TIAM1: variants seen among roughly 807,000 people sequenced by gnomAD.
TIAM1 encodes rho guanine nucleotide exchange factor TIAM1.
Under a neutral mutation model 163.5 loss-of-function variants are expected in TIAM1, and 65 were observed. That is an observed-to-expected ratio of 0.40 (90% CI 0.33 to 0.49). TIAM1 has a LOEUF of 0.49. Ranked by LOEUF, TIAM1 falls within the 20% of genes least tolerant of loss-of-function variation. The pLI, the probability that TIAM1 is intolerant of heterozygous loss-of-function variation, is 0.77. For synonymous variants in TIAM1, 833 were observed against 810.1 expected, an observed-to-expected ratio of 1.03 and a Z score of -0.48; for missense variants, 1,789 against 2,044.7, an observed-to-expected ratio of 0.87 and a Z score of 2.41.
Position 31,195,288 on chromosome 21 carries a change from T to G in TIAM1, c.2511A>C (p.Glu837Asp), listed in dbSNP as rs1283015935. 1 of 1,612,650 alleles carries G rather than the reference T, an allele frequency of 6.2e-7. No individual in the cohort carries two copies. The highest frequency in any genetic ancestry group is 8.5e-7 in the Non-Finnish European group (1 of 1,179,048). ...TGCTCTGAGTGACTTTTGGACAGAT[T>G]TCAATTTCTTTGTACAGCTGAAAGT... ...DIYELLYKEI[E>D]ICPKVTQSIH... Residue 837 changes from glutamate to aspartate, a missense_variant, in exon 13 of 28, where the codon GAA becomes GAC. Glu to Asp is a conservative substitution (Grantham distance 45). Transcript: ENST00000541036.
chr21:31,174,307 C>CCT (rs2084662087), intron 15 of TIAM1, among the ~76,000 whole-genome samples: 2 of 152,228 alleles, frequency 1.3e-5, no homozygotes, highest in Non-Finnish European at 2.9e-5. Context: ...CTTGGCAATT[C>CCT]CTCTCTCTGA....
intron 14 of TIAM1, among the ~76,000 whole-genome samples, chr21:31,185,586 A>G (rs2085262270): frequency 7.0e-6 from 1 of 143,880 alleles, no homozygotes; most frequent in Non-Finnish European, 1.5e-5. Context: ...TTAATATAAT[A>G]TATTATATAT....
intron 23 of TIAM1, among the ~76,000 whole-genome samples, chr21:31,131,679 C>T (rs144169413): frequency 9.2e-5 from 14 of 152,312 alleles, no homozygotes; most frequent in African/African-American, 3.4e-4. Context: ...GTGACTGACT[C>T]CTGCCTGTCC....
intron 2 of TIAM1, among the ~76,000 whole-genome samples, chr21:31,432,282 G>A (rs1022592157): frequency 6.6e-6 from 1 of 151,872 alleles, no homozygotes; most frequent in East Asian, 1.9e-4. Flanking sequence ...TGTATTTTTA[G>A]TGGAGACAGG....
chr21:31,333,638 C>CAA (rs2075750004), intron 2 of TIAM1, among the ~76,000 whole-genome samples: 1 of 152,170 alleles, frequency 6.6e-6, no homozygotes, highest in South Asian at 2.1e-4. Context: ...TGAGCCCTCA[C>CAA]TTTATTGCCC....
chr21:31,292,889 G>A (rs1434927168), intron 2 of TIAM1, among the ~76,000 whole-genome samples: 1 of 151,300 alleles, frequency 6.6e-6, no homozygotes, highest in African/African-American at 2.4e-5. Context: ...GGCTGGTCTC[G>A]AACTCCTGAC....
chr21:31,393,053 G>A (rs963238731), intron 2 of TIAM1, among the ~76,000 whole-genome samples: 4 of 151,308 alleles, frequency 2.6e-5, no homozygotes, highest in Admixed American at 6.6e-5. Flanking sequence ...CCTCCTGGGC[G>A]CAAGCAATTC....
intron 2 of TIAM1, among the ~76,000 whole-genome samples, chr21:31,397,026 C>T (rs576937717): frequency 6.6e-6 from 1 of 152,204 alleles, no homozygotes; most frequent in Non-Finnish European, 1.5e-5. Flanking sequence ...GCAAAGGGAT[C>T]CTTCGATCGC....
rs183790373 is a variant in TIAM1, at chr21:31,449,115, C to T, written c.-369+14868G>A. On this transcript the variant is annotated intron_variant, in intron 2 of 28. Transcript: ENST00000286827. ...GAGTAGCTGGGACTACAGGCACACA[C>T]CACCACATCCAGCTAATTTTTGTAT... Among the ~76,000 whole-genome samples the T allele has an allele frequency of 1.2e-4, 18 of 152,196 alleles. No individual in the cohort carries two copies. In the South Asian group the frequency reaches 1.2e-3, roughly 11 times the overall value.
intron 1 of TIAM1, among the ~76,000 whole-genome samples, chr21:31,464,519 G>A (rs1030778287): frequency 2.0e-5 from 3 of 152,088 alleles, no homozygotes; most frequent in African/African-American, 7.2e-5. Flanking sequence ...ACCAGTCTCG[G>A]CAACACGGCA....
intron 2 of TIAM1, among the ~76,000 whole-genome samples, chr21:31,447,589 A>G (rs1022019145): frequency 2.0e-5 from 3 of 152,204 alleles, no homozygotes; most frequent in African/African-American, 7.2e-5. Context: ...TAAAAACTGA[A>G]CTGTGAGTTC....
intron 2 of TIAM1, among the ~76,000 whole-genome samples, chr21:31,402,417 G>A (rs1337305951): frequency 6.6e-6 from 1 of 152,120 alleles, no homozygotes; most frequent in African/African-American, 2.4e-5. Flanking sequence ...AAACCTTGCA[G>A]AGAAAAGCAA....
chr21:31,479,443 GGATGGATGGATA>G (rs1301176733), intron 1 of TIAM1, among the ~76,000 whole-genome samples: 8 of 131,104 alleles, frequency 6.1e-5, no homozygotes, highest in African/African-American at 1.1e-4. Context: ...ATGAATGGAA[GGATGGATGGATA>G]GATGGATGGA....
At chr21:31,394,804 G>A (rs1356523266) in intron 2 of TIAM1, among the ~76,000 whole-genome samples, 1 of 139,026 alleles carries the variant, frequency 7.2e-6, no homozygotes, top group Non-Finnish European at 1.5e-5. Context: ...AAACACACAG[G>A]GCTCCTGTTT....
intron 1 of TIAM1, among the ~76,000 whole-genome samples, chr21:31,343,563 T>C (rs1602052059): frequency 6.6e-6 from 1 of 152,154 alleles, no homozygotes; most frequent in African/African-American, 2.4e-5. Flanking sequence ...TAATCAGATG[T>C]AAAATTAATG....
At chr21:31,145,033 A>G (rs2083047432) in intron 20 of TIAM1, among the ~76,000 whole-genome samples, 1 of 152,152 alleles carries the variant, frequency 6.6e-6, no homozygotes, top group Admixed American at 6.5e-5. Flanking sequence ...TTCACTGTGG[A>G]GCAAAGCACT....
chr21:31,463,893 A>G (rs900120271), intron 2 of TIAM1: 6 of 152,098 alleles, frequency 3.9e-5, no homozygotes, highest in Non-Finnish European at 7.3e-5. Context: ...CAAATAAGTG[A>G]AAAAGCAAAT....
chr21:31,201,226 G>C (rs904150872), intron 12 of TIAM1, among the ~76,000 whole-genome samples: 5 of 151,948 alleles, frequency 3.3e-5, no homozygotes, highest in Non-Finnish European at 5.9e-5. Context: ...CCTTTTTTAA[G>C]TAAGAAAAAA....
intron 15 of TIAM1, among the ~76,000 whole-genome samples, chr21:31,165,365 AG>A (rs1315758430): frequency 6.6e-6 from 1 of 152,210 alleles, no homozygotes; most frequent in Non-Finnish European, 1.5e-5. Context: ...AATAGTAGTT[AG>A]AAGAGGGATG....
Sources: allele counts gnomAD v4.1 joint callset (sites outside exome capture counted in the v4.1 genomes callset), GRCh38; gene constraint gnomAD v4.1.1; transcripts MANE v1.5; gene names NCBI Gene and HGNC (gene_info 2026-07-23, HGNC 2026-07-21).